PDE1A: variants seen among roughly 807,000 people sequenced by gnomAD.
The protein encoded by PDE1A is dual specificity calcium/calmodulin-dependent 3',5'-cyclic nucleotide phosphodiesterase 1A.
A neutral mutation model predicts 61.7 loss-of-function variants in PDE1A; 35 were observed. The observed-to-expected ratio is 0.57, with a 90% CI of 0.43 to 0.75. The LOEUF (loss-of-function observed/expected upper bound fraction) is 0.75, where lower values mean the gene tolerates loss of function less well. Ranked by LOEUF, PDE1A falls within the 30% of genes least tolerant of loss-of-function variation. The probability of loss-of-function intolerance (pLI) is 0.00; values close to 1 mark genes in which losing one functional copy is unlikely to be tolerated. For missense variants in PDE1A, 597 were observed against 630.6 expected (o/e 0.95, Z 0.57); for synonymous variants, 232 against 213.2 (o/e 1.09, Z -0.77).
intron 1 of PDE1A, among the ~76,000 whole-genome samples, chr2:182,296,677 G>A (rs1287896200): frequency 6.6e-6 from 1 of 152,196 alleles, no homozygotes; most frequent in Non-Finnish European, 1.5e-5. Flanking sequence ...GCCACTGGAT[G>A]TGTGTGATGA....
intron 1 of PDE1A, among the ~76,000 whole-genome samples, chr2:182,265,500 T>A (rs1249136829): frequency 1.3e-5 from 2 of 152,138 alleles, no homozygotes; most frequent in Non-Finnish European, 2.9e-5. Flanking sequence ...TTTCTCATGT[T>A]TGAGTCCTTA....
intron 10 of PDE1A, among the ~76,000 whole-genome samples, chr2:182,193,981 T>G (rs1189929014): frequency 6.6e-6 from 1 of 152,134 alleles, no homozygotes; most frequent in Non-Finnish European, 1.5e-5. Flanking sequence ...TATTTTGAAA[T>G]AACACACTTT....
At chr2:182,395,699 G>A (rs1368524983) in intron 1 of PDE1A, among the ~76,000 whole-genome samples, 1 of 149,298 alleles carries the variant, frequency 6.7e-6, no homozygotes, top group Non-Finnish European at 1.5e-5. Context: ...ATATGATCCA[G>A]CAGATCCAAT....
chr2:182,685,069 A>G, the PDE1A span, among the ~76,000 whole-genome samples: 1 of 150,182 alleles, frequency 6.7e-6, no homozygotes, highest in Non-Finnish European at 1.5e-5. Flanking sequence ...GAATATATAT[A>G]TATATTCAGA....
chr2:182,434,212 G>C (rs1442581836), intron 2 of PDE1A, among the ~76,000 whole-genome samples: 1 of 152,066 alleles, frequency 6.6e-6, no homozygotes, highest in Non-Finnish European at 1.5e-5. Flanking sequence ...GTGACTGTAA[G>C]ACCCTAAAAA....
At chr2:182,676,731 T>G in the PDE1A span, among the ~76,000 whole-genome samples, 9,733 of 152,194 alleles carry the variant, frequency 0.064, 1,004 homozygotes, top group African/African-American at 0.22. Flanking sequence ...CAAGTAGGCT[T>G]CCTCCCCAAG....
At chr2:182,168,305 AGCGTACTTATTTT>A in intron 13 of PDE1A, 1 of 1,504,062 alleles carries the variant, frequency 6.6e-7, no homozygotes, top group Non-Finnish European at 9.1e-7. Flanking sequence ...AAAAAAAAAA[AGCGTACTTATTTT>A]AATAATTTAG....
At chr2:182,556,436 T>C in the PDE1A span, among the ~76,000 whole-genome samples, 148 of 152,296 alleles carry the variant, frequency 9.7e-4, 2 homozygotes, top group East Asian at 1.9e-4. Context: ...CTAAACTTAT[T>C]CTCAGAAAAT....
chr2:182,691,270 C>T, the PDE1A span, among the ~76,000 whole-genome samples: 19 of 152,340 alleles, frequency 1.2e-4, no homozygotes, highest in Admixed American at 3.9e-4. Flanking sequence ...CACTACCTGA[C>T]TTCAAACTAT....
At chr2:182,237,892 A>C (rs1690160125) in intron 3 of PDE1A, among the ~76,000 whole-genome samples, 1 of 152,202 alleles carries the variant, frequency 6.6e-6, no homozygotes, top group South Asian at 2.1e-4. Context: ...TGAAGGTTGC[A>C]GTAGATGAGG....
chr2:182,240,324 A>G, intron 2 of PDE1A, 32 bp from the exon 3 acceptor site: 1 of 1,384,088 alleles, frequency 7.2e-7, no homozygotes, highest in Non-Finnish European at 9.7e-7. Flanking sequence ...AAACTTTTTT[A>G]TAAAAAAGTG....
chr2:182,476,195 A>G (rs182146529), intron 2 of PDE1A, among the ~76,000 whole-genome samples: 16 of 152,046 alleles, frequency 1.1e-4, no homozygotes, highest in Non-Finnish European at 4.4e-5. Context: ...AATTAATTAT[A>G]TTTTTAAAAT....
intron 1 of PDE1A, among the ~76,000 whole-genome samples, chr2:182,370,211 GA>G (rs1700055994): frequency 6.6e-6 from 1 of 152,132 alleles, no homozygotes; most frequent in South Asian, 2.1e-4. Context: ...AAGAAAAAAA[GA>G]AAGGAGGTTA....
the PDE1A span, among the ~76,000 whole-genome samples, chr2:182,635,343 T>C: frequency 1.3e-5 from 2 of 152,112 alleles, no homozygotes; most frequent in African/African-American, 2.4e-5. Context: ...CCAGTAACAA[T>C]TGTTTATATA....
At chr2:182,213,858 A>G (rs1166903430) in intron 7 of PDE1A, among the ~76,000 whole-genome samples, 1 of 106,958 alleles carries the variant, frequency 9.3e-6, no homozygotes, top group Non-Finnish European at 2.0e-5. Context: ...GATATTATCC[A>G]GGAGAACTTC....
the PDE1A span, among the ~76,000 whole-genome samples, chr2:182,688,424 A>G: frequency 6.6e-6 from 1 of 152,204 alleles, no homozygotes; most frequent in South Asian, 2.1e-4. Flanking sequence ...TATCCAGCCA[A>G]ACTAAGCTTC....
intron 2 of PDE1A, among the ~76,000 whole-genome samples, chr2:182,512,884 T>A (rs939887516): frequency 1.3e-5 from 2 of 152,016 alleles, no homozygotes; most frequent in African/African-American, 2.4e-5. Flanking sequence ...TTGAATCAAC[T>A]CAGTGAGACA....
At chr2:182,441,395 T>C (rs1684784366) in intron 2 of PDE1A, among the ~76,000 whole-genome samples, 1 of 152,100 alleles carries the variant, frequency 6.6e-6, no homozygotes, top group African/African-American at 2.4e-5. Context: ...AAAAGAATAT[T>C]GAGGATAATA....
intron 1 of PDE1A, among the ~76,000 whole-genome samples, chr2:182,351,524 A>G (rs960189739): frequency 6.6e-6 from 1 of 152,218 alleles, no homozygotes; most frequent in African/African-American, 2.4e-5. Context: ...TCAACACTGA[A>G]GAAAACATTG....
Sources: gnomAD v4.1 joint callset for allele counts (sites outside exome capture counted in the v4.1 genomes callset) on GRCh38, gnomAD v4.1.1 for gene constraint, MANE v1.5 for transcripts, NCBI Gene and HGNC (gene_info 2026-07-23, HGNC 2026-07-21) for gene names.